ARHGAP24: variants seen among roughly 807,000 people sequenced by gnomAD.
ARHGAP24 encodes rho GTPase-activating protein 24.
In ARHGAP24, 50 loss-of-function variants were observed where a neutral mutation model predicts 76.4. The ratio of observed to expected loss-of-function variants is 0.65; its 90% CI spans 0.52 to 0.83. The LOEUF (loss-of-function observed/expected upper bound fraction) is 0.83. Among genes scored for constraint, ARHGAP24 ranks in the 40% least tolerant of loss-of-function variants. The probability of loss-of-function intolerance (pLI) is 0.00; values close to 1 mark genes in which losing one functional copy is unlikely to be tolerated. For missense variants in ARHGAP24, 930 were observed against 914.2 expected, an observed-to-expected ratio of 1.02 and a Z score of -0.22; for synonymous variants, 345 against 323.3, an observed-to-expected ratio of 1.07 and a Z score of -0.72.
chr4:85,874,971 AT>A lies in ARHGAP24; in HGVS notation c.269-48672del, dbSNP rs1272843948. The stretch of plus-strand genomic sequence containing the variant: ...TTTTATATAATTTATATATAAATAT[AT>A]TTTTATATAATTTATATATAAATAT... On this transcript the variant is annotated intron_variant, in intron 3 of 9. Transcript: ENST00000395184. 1.6e-4 allele frequency among the ~76,000 whole-genome samples: 19 copies of A among 117,722 alleles called. 1 individual carries two copies. Among genetic ancestry groups the A allele is most frequent in the African/African-American group, 2.7e-4 (8 of 29,598 alleles). 77.2% of individuals were successfully genotyped at this position (117,722 alleles called of 152,430 possible). A position where few individuals can be genotyped will look rare whatever the true frequency, so the allele number is the denominator to read the frequency against.
At chr4:85,526,420 C>CT (rs370571790) in intron 1 of ARHGAP24, among the ~76,000 whole-genome samples, 212 of 148,436 alleles carry the variant, frequency 1.4e-3, no homozygotes, top group Admixed American at 3.7e-3. Flanking sequence ...AAAGAAACAA[C>CT]TTTTTTTTTA....
chr4:85,530,003 T>A (rs759614680), intron 1 of ARHGAP24, among the ~76,000 whole-genome samples: 3 of 152,026 alleles, frequency 2.0e-5, no homozygotes, highest in African/African-American at 4.8e-5. Flanking sequence ...AATTAATATT[T>A]GTCAGATTTA....
At chr4:85,758,755 T>C (rs1451146617) in intron 3 of ARHGAP24, among the ~76,000 whole-genome samples, 3 of 152,052 alleles carry the variant, frequency 2.0e-5, no homozygotes, top group Non-Finnish European at 2.9e-5. Flanking sequence ...AGAAGAGTGG[T>C]TCAAATCTTC....
intron 2 of ARHGAP24, among the ~76,000 whole-genome samples, chr4:85,639,542 GA>G (rs1721447268): frequency 6.6e-6 from 1 of 152,012 alleles, no homozygotes; most frequent in Non-Finnish European, 1.5e-5. Flanking sequence ...TTACATTTGG[GA>G]AAAAATAATT....
At chr4:85,996,845 C>A (rs926356283) in intron 9 of ARHGAP24, among the ~76,000 whole-genome samples, 3 of 152,096 alleles carry the variant, frequency 2.0e-5, no homozygotes, top group Admixed American at 6.5e-5. Flanking sequence ...GATAAATTAG[C>A]ATTTCACACT....
chr4:85,990,543 C>T (rs1282930866), intron 8 of ARHGAP24: 1 of 151,632 alleles, frequency 6.6e-6, no homozygotes, highest in Non-Finnish European at 1.5e-5. Context: ...AGTATAAAGT[C>T]ACACATAATT....
At chr4:85,971,527 G>T (rs962919956) in intron 5 of ARHGAP24, among the ~76,000 whole-genome samples, 1 of 152,048 alleles carries the variant, frequency 6.6e-6, no homozygotes, top group Non-Finnish European at 1.5e-5. Flanking sequence ...GGTTACGTGA[G>T]ATATTGTGGT....
At chr4:85,591,030 G>GTTTTTTTTTTTTT (rs1560544158) in intron 2 of ARHGAP24, among the ~76,000 whole-genome samples, 9 of 121,886 alleles carry the variant, frequency 7.4e-5, no homozygotes, top group African/African-American at 2.8e-4. Flanking sequence ...AAATCTGCTG[G>GTTTTTTTTTTTTT]GTTTTTTTTT....
intron 2 of ARHGAP24, among the ~76,000 whole-genome samples, chr4:85,639,015 A>C (rs2109968824): frequency 6.6e-6 from 1 of 152,248 alleles, no homozygotes; most frequent in East Asian, 1.9e-4. Context: ...ATGGAGGTAG[A>C]ATACATTTTA....
At chr4:85,575,577 T>C (rs1727338297) in intron 2 of ARHGAP24, among the ~76,000 whole-genome samples, 1 of 152,188 alleles carries the variant, frequency 6.6e-6, no homozygotes, top group African/African-American at 2.4e-5. Context: ...TTCATGACAA[T>C]ATCTGTTCTG....
intron 3 of ARHGAP24, among the ~76,000 whole-genome samples, chr4:85,921,277 A>G (rs1325251410): frequency 1.3e-5 from 2 of 152,198 alleles, no homozygotes; most frequent in Non-Finnish European, 2.9e-5. Flanking sequence ...AAACTACCAC[A>G]GGAACAGAAA....
At chr4:85,659,656 T>C (rs184051307) in intron 2 of ARHGAP24, among the ~76,000 whole-genome samples, 28 of 152,352 alleles carry the variant, frequency 1.8e-4, no homozygotes, top group African/African-American at 6.7e-4. Flanking sequence ...ACACATTATA[T>C]AATTAAAGTA....
chr4:85,709,111 C>A (rs1037285087), intron 2 of ARHGAP24, among the ~76,000 whole-genome samples: 1 of 152,100 alleles, frequency 6.6e-6, no homozygotes, highest in Admixed American at 6.6e-5. Context: ...TAGGTCTATT[C>A]TTGAGGTCTT....
At chr4:85,708,249 G>T (rs1428794199) in intron 2 of ARHGAP24, among the ~76,000 whole-genome samples, 1 of 152,094 alleles carries the variant, frequency 6.6e-6, no homozygotes, top group Non-Finnish European at 1.5e-5. Context: ...TGTTTATGGA[G>T]TATGAAAACT....
At chr4:85,624,471 T>C (rs1720855536) in intron 2 of ARHGAP24, among the ~76,000 whole-genome samples, 1 of 152,226 alleles carries the variant, frequency 6.6e-6, no homozygotes, top group African/African-American at 2.4e-5. Context: ...TTTGATGTGC[T>C]GCTGGATTCG....
intron 1 of ARHGAP24, among the ~76,000 whole-genome samples, chr4:85,549,729 A>G (rs7697802): frequency 0.98 from 148,572 of 152,228 alleles, 72,621 homozygotes; most frequent in Non-Finnish European, 1. Flanking sequence ...ACAGTGCTCC[A>G]CAGGTAGTTT....
chr4:85,702,379 C>G (rs184640700), intron 2 of ARHGAP24, among the ~76,000 whole-genome samples: 1 of 152,226 alleles, frequency 6.6e-6, no homozygotes, highest in African/African-American at 2.4e-5. Context: ...TAGAATAATG[C>G]ATACCTTAAA....
rs1432984472 is a variant in ARHGAP24, at chr4:86,002,629, T to TG, written c.*1907_*1908insG. The TG allele has an allele frequency of 6.6e-6, 1 of 152,102 alleles. No homozygotes were observed. The highest frequency in any genetic ancestry group is 2.4e-5 in the African/African-American group (1 of 41,396). 9.4% of individuals were successfully genotyped at this position (152,102 alleles called of 1,614,324 possible). A position where few individuals can be genotyped will look rare whatever the true frequency, so the allele number is the denominator to read the frequency against. ...AACCTTCTATGCATAACTTTTTTTT[T>TG]CCTCTGTGCAATTGGAATAATAAAA... On this transcript the variant is annotated 3_prime_UTR_variant, in exon 10 of 10. Transcript: ENST00000395184.
At position 86,000,459 on chromosome 4, in the gene ARHGAP24, C is replaced by CA; in HGVS notation, c.2004-20_2004-19insA. On this transcript the variant is annotated intron_variant, in intron 9 of 9. Coordinates refer to ENST00000395184, the MANE Select transcript of ARHGAP24 (RefSeq NM_001025616.3). Reference sequence around the variant, plus strand: ...TACTCTTGCGTCCCCACCCCCCACCCCCCCCAACATCCTTTGTAGCTTAGA... The same window carrying CA: ...TACTCTTGCGTCCCCACCCCCCACCCACCCCCAACATCCTTTGTAGCTTAGA... The CA allele has an allele frequency of 2.8e-6, 2 of 726,270 alleles. No individual in the cohort carries two copies. The highest frequency in any genetic ancestry group is 1.5e-5 in the South Asian group (1 of 65,942). The allele number at this position is 726,270 out of a possible 1,614,324, so 45.0% of individuals were successfully genotyped here.
Sources: gnomAD v4.1 joint callset for allele counts (sites outside exome capture counted in the v4.1 genomes callset) on GRCh38, gnomAD v4.1.1 for gene constraint, MANE v1.5 for transcripts, NCBI Gene and HGNC (gene_info 2026-07-23, HGNC 2026-07-21) for gene names.